Variants in TMEM117 observed in about 807,000 individuals in gnomAD.
TMEM117 encodes the protein transmembrane protein 117.
TMEM117 carries 27 observed loss-of-function variants against 52.4 expected under a neutral mutation model. The observed-to-expected ratio is 0.51, with a 90% CI of 0.38 to 0.71. The LOEUF is 0.71. TMEM117 is among the 30% of genes least tolerant of loss of function. The pLI, the probability that TMEM117 is intolerant of heterozygous loss-of-function variation, is 0.00. For missense variants in TMEM117, 556 were observed against 630.5 expected, an observed-to-expected ratio of 0.88 and a Z score of 1.26; for synonymous variants, 215 against 206.3, an observed-to-expected ratio of 1.04 and a Z score of -0.36.
chr12:44,383,849 A>T (rs187830269), intron 7 of TMEM117, among the ~76,000 whole-genome samples: 3 of 152,014 alleles, frequency 2.0e-5, no homozygotes, highest in Non-Finnish European at 2.9e-5. Flanking sequence ...AGAAGATACA[A>T]TTTTTTTTCA....
intron 4 of TMEM117, among the ~76,000 whole-genome samples, chr12:44,152,670 AT>A (rs979069765): frequency 7.5e-6 from 1 of 132,708 alleles, no homozygotes; most frequent in Admixed American, 8.2e-5. Flanking sequence ...ATCATATATA[AT>A]TTTTATATAT....
intron 6 of TMEM117, among the ~76,000 whole-genome samples, chr12:44,324,730 C>A (rs1345322423): frequency 6.6e-6 from 1 of 152,100 alleles, no homozygotes; most frequent in African/African-American, 2.4e-5. Flanking sequence ...CCTGCTTTTT[C>A]AGGTCACAAT....
chr12:44,027,405 C>T (rs1946559571), intron 3 of TMEM117, among the ~76,000 whole-genome samples: 1 of 151,896 alleles, frequency 6.6e-6, no homozygotes, highest in Non-Finnish European at 1.5e-5. Flanking sequence ...AACTCCTGAC[C>T]TCAAGTTATC....
chr12:44,163,448 A>G (rs915149564), intron 4 of TMEM117, among the ~76,000 whole-genome samples: 8 of 152,220 alleles, frequency 5.3e-5, no homozygotes, highest in African/African-American at 1.4e-4. Context: ...GCATTTCTGA[A>G]ATGATCTTTT....
chr12:43,927,960 T>C (rs1944807022), intron 2 of TMEM117, among the ~76,000 whole-genome samples: 1 of 152,006 alleles, frequency 6.6e-6, no homozygotes, highest in African/African-American at 2.4e-5. Context: ...TTAGCACAGC[T>C]TTTCCTTCTT....
At chr12:44,007,328 TA>T (rs1420641686) in intron 3 of TMEM117, among the ~76,000 whole-genome samples, 2 of 152,204 alleles carry the variant, frequency 1.3e-5, no homozygotes, top group Non-Finnish European at 2.9e-5. Flanking sequence ...TTCTGACCTG[TA>T]TCATTTCCCT....
At chr12:43,877,539 G>T (rs1943819709) in intron 2 of TMEM117, among the ~76,000 whole-genome samples, 1 of 151,730 alleles carries the variant, frequency 6.6e-6, no homozygotes. Flanking sequence ...GGAGGCTGAG[G>T]CAGGAGAATC....
chr12:43,832,163 T>C (rs1942986589), upstream of TMEM117, among the ~76,000 whole-genome samples: 2 of 152,176 alleles, frequency 1.3e-5, no homozygotes, highest in Non-Finnish European at 2.9e-5. Context: ...CCTTTGAAAA[T>C]CATTGCTGGC....
At chr12:44,154,798 T>A (rs1477421776) in intron 4 of TMEM117, among the ~76,000 whole-genome samples, 1 of 146,444 alleles carries the variant, frequency 6.8e-6, no homozygotes, top group Non-Finnish European at 1.5e-5. Flanking sequence ...GATTATATGA[T>A]TTTTTTTAAA....
intron 5 of TMEM117, among the ~76,000 whole-genome samples, chr12:44,285,500 C>G (rs1250609697): frequency 1.3e-5 from 2 of 152,300 alleles, no homozygotes; most frequent in Admixed American, 6.5e-5. Flanking sequence ...TATGGAGAAG[C>G]TGTACTCTTT....
At chr12:44,187,055 C>A (rs1339735729) in intron 4 of TMEM117, among the ~76,000 whole-genome samples, 1 of 152,046 alleles carries the variant, frequency 6.6e-6, no homozygotes, top group East Asian at 1.9e-4. Flanking sequence ...TATATTTAGC[C>A]ATCCTTACTT....
chr12:43,977,924 A>C (rs2137711564), intron 3 of TMEM117, among the ~76,000 whole-genome samples: 1 of 152,346 alleles, frequency 6.6e-6, no homozygotes, highest in African/African-American at 2.4e-5. Flanking sequence ...GTCAATGGAT[A>C]CATGTACATA....
At chr12:43,926,491 C>T (rs950717311) in intron 2 of TMEM117, among the ~76,000 whole-genome samples, 1 of 152,150 alleles carries the variant, frequency 6.6e-6, no homozygotes, top group Admixed American at 6.6e-5. Context: ...TCACATTAGT[C>T]ATTCTTATAA....
At chr12:43,808,257 A>G in the TMEM117 span, among the ~76,000 whole-genome samples, 1 of 152,212 alleles carries the variant, frequency 6.6e-6, no homozygotes, top group Non-Finnish European at 1.5e-5. Context: ...AAAATGGCTG[A>G]ATATGGCTAC....
chr12:44,216,980 T>A (rs1949726731), intron 5 of TMEM117, among the ~76,000 whole-genome samples: 1 of 152,160 alleles, frequency 6.6e-6, no homozygotes, highest in Non-Finnish European at 1.5e-5. Context: ...CAGCTGATAT[T>A]TTTCCTGCTT....
In TMEM117 at chr12:43,959,489, C is replaced by G. The variant is rs557758355; in HGVS notation, c.410+15147C>G. On this transcript the variant is annotated intron_variant, in intron 3 of 7. Coordinates refer to ENST00000266534, the MANE Select transcript of TMEM117 (RefSeq NM_032256.3). The stretch of plus-strand genomic sequence containing the variant: ...TTTAATTAAATTTTTGTTAAGTTCA[C>G]CATTTTCAACACCTTCAGTAATGCT... Among the ~76,000 whole-genome samples, 119 of 152,284 alleles carry G rather than the reference C, an allele frequency of 7.8e-4. 1 individual carries two copies. In the South Asian group the frequency reaches 0.01, roughly 13 times the overall value.
chr12:44,296,139 C>A (rs1443339215), intron 5 of TMEM117, among the ~76,000 whole-genome samples: 1 of 152,132 alleles, frequency 6.6e-6, no homozygotes, highest in Non-Finnish European at 1.5e-5. Flanking sequence ...GGACTTTGGG[C>A]AGTAGAACAG....
chr12:44,014,555 C>G (rs1466626246), intron 3 of TMEM117, among the ~76,000 whole-genome samples: 1 of 152,230 alleles, frequency 6.6e-6, no homozygotes, highest in South Asian at 2.1e-4. Context: ...TTGTTTTATT[C>G]CAAACTTCCT....
At chr12:43,951,611 C>T (rs1192170108) in intron 3 of TMEM117, among the ~76,000 whole-genome samples, 1 of 152,206 alleles carries the variant, frequency 6.6e-6, no homozygotes, top group Non-Finnish European at 1.5e-5. Flanking sequence ...CCACCAGCTC[C>T]AGTTAGGGGC....
Sources: allele counts gnomAD v4.1 joint callset (sites outside exome capture counted in the v4.1 genomes callset), GRCh38; gene constraint gnomAD v4.1.1; transcripts MANE v1.5; gene names NCBI Gene and HGNC (gene_info 2026-07-23, HGNC 2026-07-21).